The following FREM1 variants were observed in gnomAD, a reference collection of about 807,000 sequenced individuals.
FREM1 encodes FRAS1-related extracellular matrix protein 1.
FREM1 carries 220 observed loss-of-function variants against 210.1 expected under a neutral mutation model. The ratio of observed to expected loss-of-function variants is 1.05; its 90% CI spans 0.94 to 1.17. The LOEUF is 1.17. Ranked by LOEUF, FREM1 falls within the 50% of genes most tolerant of loss-of-function variation. The probability of loss-of-function intolerance (pLI) is 0.00; values close to 1 mark genes in which losing one functional copy is unlikely to be tolerated. For missense variants in FREM1, 3,454 were observed against 2,675.5 expected (o/e 1.29, Z -6.42); for synonymous variants, 1,189 against 980.2 (o/e 1.21, Z -3.98).
At chr9:14,824,718 T>C (rs925514564) in intron 11 of FREM1, 78 bp downstream of exon 11, 1 of 909,154 alleles carries the variant, frequency 1.1e-6, no homozygotes, top group Non-Finnish European at 1.8e-6. Context: ...GTACTATATA[T>C]ATATATATTG....
At chr9:14,882,906 C>A (rs1448570844) in intron 1 of FREM1, among the ~76,000 whole-genome samples, 2 of 478 alleles carry the variant, frequency 4.2e-3, no homozygotes, top group African/African-American at 0.015. Flanking sequence ...GAGCGAGACT[C>A]CATCTCAAAA....
At chr9:14,875,046 C>T (rs960591185) in intron 1 of FREM1, among the ~76,000 whole-genome samples, 3 of 152,220 alleles carry the variant, frequency 2.0e-5, no homozygotes, top group African/African-American at 7.2e-5. Context: ...CGCTGTTAGT[C>T]TGATGGGCTT....
chr9:14,860,698 C>T lies in FREM1; in HGVS notation c.330-1214G>A, dbSNP rs866742870. ...ACACATATATACACATATATACACA[C>T]ATATATACACACATATATACACATA... On this transcript the variant is annotated intron_variant, in intron 3 of 36. Coordinates refer to ENST00000380880, the MANE Select transcript of FREM1 (RefSeq NM_001379081.2). 5.3e-3 allele frequency among the ~76,000 whole-genome samples: 497 copies of T among 92,950 alleles called. 16 individuals are homozygous for T. The highest frequency in any genetic ancestry group is 0.03 in the African/African-American group (468 of 15,520). The allele number at this position is 92,950 out of a possible 152,430, so 61.0% of individuals were successfully genotyped here.
intron 10 of FREM1, among the ~76,000 whole-genome samples, chr9:14,833,490 A>C (rs2779508): frequency 0.6 from 91,850 of 152,002 alleles, 28,172 homozygotes; most frequent in African/African-American, 0.7. Context: ...TGTCTCAGTC[A>C]CAATTTTGTA....
At chr9:14,746,324 C>G in intron 35 of FREM1, 29 bp downstream of exon 35, 2 of 1,455,316 alleles carry the variant, frequency 1.4e-6, no homozygotes, top group Non-Finnish European at 1.9e-6. Flanking sequence ...AAAGAAAACA[C>G]CAATCAAATG....
chr9:14,795,288 G>T (rs1490529370), intron 21 of FREM1, among the ~76,000 whole-genome samples: 1 of 152,276 alleles, frequency 6.6e-6, no homozygotes, highest in Admixed American at 6.5e-5. Flanking sequence ...TTACAGAGAG[G>T]TTAACAGAGA....
At position 14,759,720 on chromosome 9, in the gene FREM1, C is replaced by G. The variant is rs1334017937; in HGVS notation, c.5334+52G>C. On this transcript the variant is annotated intron_variant, in intron 28 of 36. Transcript: ENST00000380880. The stretch of plus-strand genomic sequence containing the variant: ...TCTAAAAAAAATATAATGAAAGACA[C>G]CAAAGAACAACATAAGTTTTAGCTT... 14 of 1,453,372 alleles carry G rather than the reference C, an allele frequency of 9.6e-6. No individual in the cohort carries two copies. In the East Asian group the frequency reaches 3.4e-4, roughly 35 times the overall value. 90.0% of individuals were successfully genotyped at this position (1,453,372 alleles called of 1,614,324 possible).
intron 36 of FREM1, among the ~76,000 whole-genome samples, chr9:14,738,856 A>G (rs1478087890): frequency 6.6e-6 from 1 of 151,846 alleles, no homozygotes; most frequent in Non-Finnish European, 1.5e-5. Context: ...CTAAAAATAC[A>G]AAACTTAGCC....
At chr9:14,798,101 A>C (rs1028415731) in intron 20 of FREM1, among the ~76,000 whole-genome samples, 2 of 152,164 alleles carry the variant, frequency 1.3e-5, no homozygotes, top group Admixed American at 1.3e-4. Context: ...CAGAACAGCC[A>C]AAACAGCCTA....
chr9:14,744,652 T>C (rs1044047902), intron 35 of FREM1, among the ~76,000 whole-genome samples: 1 of 152,050 alleles, frequency 6.6e-6, no homozygotes, highest in African/African-American at 2.4e-5. Flanking sequence ...TAAACATCAA[T>C]AACAAAAAAC....
rs796610176 is a variant in FREM1 at position 14,851,755 on chromosome 9, G to T, written c.829-148C>A. 64 of 695,068 alleles carry T rather than the reference G, an allele frequency of 9.2e-5. No homozygotes were observed. The African/African-American group carries it at 9.8e-4, about 11-fold the overall frequency. 43.1% of individuals were successfully genotyped at this position (695,068 alleles called of 1,614,324 possible). A position where few individuals can be genotyped will look rare whatever the true frequency, so the allele number is the denominator to read the frequency against. On this transcript the variant is annotated intron_variant, in intron 5 of 36. Coordinates refer to ENST00000380880, the MANE Select transcript of FREM1 (RefSeq NM_001379081.2). Reference sequence around the variant, plus strand: ...GCTGCATATTGGAATCACCTGGGGAGCTTTAAACACATGCTGGTACCTAGG... The same window carrying T: ...GCTGCATATTGGAATCACCTGGGGATCTTTAAACACATGCTGGTACCTAGG...
intron 1 of FREM1, among the ~76,000 whole-genome samples, chr9:14,898,794 A>G (rs888108556): frequency 6.6e-6 from 1 of 152,210 alleles, no homozygotes; most frequent in Non-Finnish European, 1.5e-5. Flanking sequence ...ACCCTATTGT[A>G]AAATATATGC....
chr9:14,801,471 G>C (rs572498194), intron 20 of FREM1, among the ~76,000 whole-genome samples, 181 bp downstream of exon 20: 46 of 152,236 alleles, frequency 3.0e-4, no homozygotes, highest in Non-Finnish European at 4.7e-4. Context: ...TACTTCTCCT[G>C]TCTAACCGAA....
At chr9:14,840,099 C>T (rs190456415) in intron 10 of FREM1, among the ~76,000 whole-genome samples, 133 of 152,318 alleles carry the variant, frequency 8.7e-4, no homozygotes, top group African/African-American at 3.1e-3. Flanking sequence ...CTGATCATCT[C>T]CTTCTGTTAT....
chr9:14,883,086 G>A (rs1427591290), intron 1 of FREM1, among the ~76,000 whole-genome samples: 1 of 152,036 alleles, frequency 6.6e-6, no homozygotes, highest in African/African-American at 2.4e-5. Context: ...AAACAGAGTA[G>A]AAGGAATTGG....
chr9:14,800,839 A>G (rs1817142232), intron 20 of FREM1, among the ~76,000 whole-genome samples: 1 of 152,168 alleles, frequency 6.6e-6, no homozygotes, highest in Non-Finnish European at 1.5e-5. Flanking sequence ...CTATTTCTTC[A>G]TCCCCTATTT....
At chr9:14,783,674 C>T (rs1849972402) in intron 24 of FREM1, among the ~76,000 whole-genome samples, 1 of 152,206 alleles carries the variant, frequency 6.6e-6, no homozygotes, top group South Asian at 2.1e-4. Flanking sequence ...TGACTTGAAA[C>T]AAATTTCCAT....
intron 25 of FREM1, among the ~76,000 whole-genome samples, chr9:14,775,205 C>CTAATACAA (rs1848336760): frequency 6.6e-6 from 1 of 152,128 alleles, no homozygotes; most frequent in Non-Finnish European, 1.5e-5. Context: ...TAAGGTCAGA[C>CTAATACAA]GGCTAATACA....
Position 14,812,843 on chromosome 9 carries a change from A to C in FREM1, c.2862T>G (p.Val954=). The C allele has an allele frequency of 6.2e-7, 1 of 1,613,220 alleles. No homozygotes were observed. The highest frequency in any genetic ancestry group is 1.1e-5 in the South Asian group (1 of 90,988). Residue 954 remains valine (V), a synonymous_variant, in exon 16 of 37, where the codon GTT becomes GTG. Coordinates refer to ENST00000380880, the MANE Select transcript of FREM1 (RefSeq NM_001379081.2). ...GTTTGTATGTCACGGCCTCTGAGATAACATCTCTCTGAGAGAACTGATCCA... is the reference window on the plus strand; with the variant it reads ...GTTTGTATGTCACGGCCTCTGAGATCACATCTCTCTGAGAGAACTGATCCA... The part of the protein sequence containing the change: ...VTVDQFSQRD[V]ISEAVTYKHT...
Sources: allele counts gnomAD v4.1 joint callset (sites outside exome capture counted in the v4.1 genomes callset), GRCh38; gene constraint gnomAD v4.1.1; transcripts MANE v1.5; gene names NCBI Gene and HGNC (gene_info 2026-07-23, HGNC 2026-07-21).